Variants in AMBRA1 observed in about 807,000 individuals in gnomAD.
AMBRA1 encodes autophagy and beclin 1 regulator 1.
Under a neutral mutation model 125.4 loss-of-function variants are expected in AMBRA1, and 47 were observed. The observed-to-expected ratio is 0.37, with a 90% CI of 0.30 to 0.48. The LOEUF (loss-of-function observed/expected upper bound fraction) is 0.48, where lower values mean the gene tolerates loss of function less well. AMBRA1 is among the 20% of genes least tolerant of loss of function. The pLI, the probability that AMBRA1 is intolerant of heterozygous loss-of-function variation, is 0.99. For synonymous variants in AMBRA1, 626 were observed against 655.5 expected, an observed-to-expected ratio of 0.95 and a Z score of 0.69; for missense variants, 1,331 against 1,693.4, an observed-to-expected ratio of 0.79 and a Z score of 3.76.
intron 1 of AMBRA1, among the ~76,000 whole-genome samples, chr11:46,583,485 G>A (rs1026328325): frequency 8.0e-5 from 12 of 149,848 alleles, no homozygotes; most frequent in African/African-American, 2.9e-4. Flanking sequence ...GGCAACAAAA[G>A]CCAAAATTGA....
chr11:46,434,067 A>C (rs1590797383), intron 13 of AMBRA1, among the ~76,000 whole-genome samples: 1 of 147,692 alleles, frequency 6.8e-6, no homozygotes, highest in East Asian at 2.0e-4. Context: ...GTAAGCTGAG[A>C]TCACGCCATT....
At chr11:46,463,219 A>T (rs141307297) in intron 11 of AMBRA1, among the ~76,000 whole-genome samples, 5 of 152,288 alleles carry the variant, frequency 3.3e-5, no homozygotes, top group African/African-American at 7.2e-5. Context: ...CCACTTGAGG[A>T]TGAGTTTAAA....
intron 1 of AMBRA1, among the ~76,000 whole-genome samples, chr11:46,557,633 CCT>C (rs1451233028): frequency 6.6e-6 from 1 of 152,060 alleles, no homozygotes; most frequent in Admixed American, 6.6e-5. Context: ...TAGTGAGACC[CCT>C]GTCTCTACAA....
chr11:46,531,260 G>A (rs1952205636), intron 7 of AMBRA1, among the ~76,000 whole-genome samples: 1 of 152,180 alleles, frequency 6.6e-6, no homozygotes. Flanking sequence ...AACAGAGACT[G>A]TACAGCCTCC....
In AMBRA1 at chr11:46,511,108, G is replaced by A. The variant is rs80208695; in HGVS notation, c.2159+1619C>T. 8.5e-5 allele frequency among the ~76,000 whole-genome samples: 13 copies of A among 152,300 alleles called. No homozygotes were observed. The East Asian group carries it at 2.5e-3, about 29-fold the overall frequency. ...ATTATATAAAAGGAGGATAAATCATGGTCGTTAAGTATCCTTGTAGAACAC... is the reference window on the plus strand; with the variant it reads ...ATTATATAAAAGGAGGATAAATCATAGTCGTTAAGTATCCTTGTAGAACAC... On this transcript the variant is annotated intron_variant, in intron 8 of 17. Transcript: ENST00000683756.
At chr11:46,415,137 C>T (rs1039385510) in intron 15 of AMBRA1, among the ~76,000 whole-genome samples, 1 of 152,188 alleles carries the variant, frequency 6.6e-6, no homozygotes, top group Non-Finnish European at 1.5e-5. Flanking sequence ...AGCTGTATCA[C>T]CCAGGGATAG....
intron 17 of AMBRA1, among the ~76,000 whole-genome samples, chr11:46,402,790 G>A (rs1945828811): frequency 6.6e-6 from 1 of 152,182 alleles, no homozygotes; most frequent in South Asian, 2.1e-4. Flanking sequence ...CACAAAGTAA[G>A]TGCTCAAAAA....
rs1212145312 is a variant in AMBRA1, at chr11:46,434,829, T to C, written c.2821+20A>G. On this transcript the variant is annotated intron_variant, in intron 13 of 17. Coordinates refer to ENST00000683756, the MANE Select transcript of AMBRA1 (RefSeq NM_001387011.1). ...GCACCAGCGTCCCTCTGTCATTAGGTTGGGCTTCCTATCCCTTACCAAATC... is the reference window on the plus strand; with the variant it reads ...GCACCAGCGTCCCTCTGTCATTAGGCTGGGCTTCCTATCCCTTACCAAATC... The C allele has an allele frequency of 1.9e-6, 3 of 1,563,054 alleles. No homozygotes were observed. The highest frequency in any genetic ancestry group is 1.4e-5 in the African/African-American group (1 of 73,340).
intron 15 of AMBRA1, among the ~76,000 whole-genome samples, chr11:46,411,785 AT>A (rs200917347): frequency 2.7e-5 from 4 of 149,944 alleles, no homozygotes; most frequent in African/African-American, 4.9e-5. Context: ...TGTCTTTTTA[AT>A]TTTTTTTTTA....
intron 7 of AMBRA1, among the ~76,000 whole-genome samples, chr11:46,522,112 T>A (rs1951787747): frequency 6.6e-6 from 1 of 152,192 alleles, no homozygotes; most frequent in Non-Finnish European, 1.5e-5. Flanking sequence ...GTATACATAG[T>A]GTGCAATCAT....
chr11:46,519,050 C>G (rs1404917548), intron 7 of AMBRA1, among the ~76,000 whole-genome samples: 1 of 152,078 alleles, frequency 6.6e-6, no homozygotes, highest in Admixed American at 6.5e-5. Context: ...TTTTTTGAGA[C>G]AGAGTTTCTG....
At position 46,397,561 on chromosome 11, in the gene AMBRA1, G is replaced by A. The variant is rs1350999158; in HGVS notation, c.3786C>T (p.Ser1262=). ...SPVPIPVSLP[S]AEGPTLHCEL... ...CGCAGTGGAGGGTTGGTCCCTCAGC[G>A]CTGGGAAGGGAAACAGGAATGGGGA... The change falls in exon 18 of 18, where the codon AGC becomes AGT. Residue 1262 remains serine (S), a synonymous_variant. Coordinates refer to ENST00000683756, the MANE Select transcript of AMBRA1 (RefSeq NM_001387011.1). The A allele has an allele frequency of 1.2e-5, 19 of 1,573,848 alleles. No individual in the cohort carries two copies. The highest frequency in any genetic ancestry group is 3.6e-5 in the Admixed American group (2 of 55,884).
chr11:46,565,099 A>T (rs887873688), intron 1 of AMBRA1, among the ~76,000 whole-genome samples: 5 of 150,692 alleles, frequency 3.3e-5, no homozygotes, highest in African/African-American at 4.9e-5. Context: ...CTACAAAAAA[A>T]TATAAAAATT....
At chr11:46,428,704 T>C (rs1590782830) in intron 14 of AMBRA1, 1 of 1,605,690 alleles carries the variant, frequency 6.2e-7, no homozygotes, top group Non-Finnish European at 8.5e-7. Context: ...TAAACTGGAA[T>C]TCGGTTGCTG....
intron 14 of AMBRA1, among the ~76,000 whole-genome samples, chr11:46,422,873 A>AAG: frequency 6.6e-6 from 1 of 152,314 alleles, no homozygotes; most frequent in Non-Finnish European, 1.5e-5. Flanking sequence ...GATCTTCTTT[A>AAG]AGACAATGGA....
At chr11:46,477,279 G>A (rs1565199583) in intron 11 of AMBRA1, among the ~76,000 whole-genome samples, 1 of 151,506 alleles carries the variant, frequency 6.6e-6, no homozygotes, top group Non-Finnish European at 1.5e-5. Flanking sequence ...GGATAAGGCC[G>A]AGTTTTCATT....
Position 46,512,711 on chromosome 11 carries a change from C to G in AMBRA1, c.2159+16G>C. 6.2e-7 allele frequency: 1 copy of G among 1,610,850 alleles called. No homozygotes were observed. The highest frequency in any genetic ancestry group is 8.5e-7 in the Non-Finnish European group (1 of 1,178,184). ...CCCCTCCCCCCACCTAGTGCCATTT[C>G]TCACTTTGGCCTTACCTCGCTGGGT... On this transcript the variant is annotated intron_variant, in intron 8 of 17. Coordinates refer to ENST00000683756, the MANE Select transcript of AMBRA1 (RefSeq NM_001387011.1).
At chr11:46,408,485 AC>A in intron 17 of AMBRA1, 27 bp downstream of exon 17, 1 of 1,489,346 alleles carries the variant, frequency 6.7e-7, no homozygotes, top group Non-Finnish European at 9.0e-7. Context: ...TCCCTCTCCC[AC>A]CCCCTCCAGC....
At position 46,542,104 on chromosome 11, in the gene AMBRA1, G is replaced by A. The variant is rs563547277; in HGVS notation, c.1913C>T (p.Ala638Val). The A allele has an allele frequency of 1.9e-6, 3 of 1,613,964 alleles. No homozygotes were observed. The highest frequency in any genetic ancestry group is 2.5e-6 in the Non-Finnish European group (3 of 1,179,948). The change falls in exon 7 of 18, where the codon GCT (alanine) becomes GTT (valine). Residue 638 changes from alanine to valine, a missense_variant. Coordinates refer to ENST00000683756, the MANE Select transcript of AMBRA1 (RefSeq NM_001387011.1). The surrounding 1 kb of genome is among the most constrained non-coding windows in gnomAD (Gnocchi z 5.9). ...SSSRLELSSS[A>V]SPQEERTVGV... Reference sequence around the variant, plus strand: ...CACAGTCCTCTCCTCCTGCGGACTAGCAGAGCTGCTCAACTCCAGCCTGCT... The same window carrying A: ...CACAGTCCTCTCCTCCTGCGGACTAACAGAGCTGCTCAACTCCAGCCTGCT...
Sources: gnomAD v4.1 joint callset for allele counts (sites outside exome capture counted in the v4.1 genomes callset) on GRCh38, gnomAD v4.1.1 for gene constraint, Gnocchi (gnomAD v3.1) non-coding constraint, MANE v1.5 for transcripts, NCBI Gene and HGNC (gene_info 2026-07-23, HGNC 2026-07-21) for gene names.